Variants in SENP6 observed in about 807,000 individuals in gnomAD.
SENP6 encodes the protein SUMO specific peptidase 6.
Under a neutral mutation model 134.5 loss-of-function variants are expected in SENP6, and 41 were observed. That is an observed-to-expected ratio of 0.30 (90% confidence interval 0.24 to 0.40). The LOEUF (loss-of-function observed/expected upper bound fraction) is 0.40, where lower values mean the gene tolerates loss of function less well. Ranked by LOEUF, SENP6 falls within the 10% of genes least tolerant of loss-of-function variation. The pLI is 1.00. For missense variants in SENP6, 1,248 were observed against 1,312.5 expected, an observed-to-expected ratio of 0.95 and a Z score of 0.76; for synonymous variants, 395 against 429.8, an observed-to-expected ratio of 0.92 and a Z score of 1.00.
At chr6:75,663,197 A>G in intron 8 of SENP6, 24 bp from the exon 9 acceptor site, 1 of 1,598,156 alleles carries the variant, frequency 6.3e-7, no homozygotes, top group Non-Finnish European at 8.5e-7. Context: ...CAAATGCCAA[A>G]GTTGTGGTGT....
At chr6:75,708,268 GC>G (rs1371157207) in intron 19 of SENP6, among the ~76,000 whole-genome samples, 3 of 152,080 alleles carry the variant, frequency 2.0e-5, no homozygotes, top group Non-Finnish European at 1.5e-5. Context: ...CACCATGTTA[GC>G]CAGTCTGGAT....
At chr6:75,703,882 A>G (rs2149900984) in intron 19 of SENP6, among the ~76,000 whole-genome samples, 1 of 152,254 alleles carries the variant, frequency 6.6e-6, no homozygotes, top group East Asian at 1.9e-4. Context: ...TGCAGTACAA[A>G]GTTTATATTT....
intron 11 of SENP6, among the ~76,000 whole-genome samples, chr6:75,674,102 T>C (rs1178420511): frequency 6.6e-6 from 1 of 150,844 alleles, no homozygotes; most frequent in Non-Finnish European, 1.5e-5. Flanking sequence ...CCAAAACATA[T>C]AATGTCAACA....
intron 19 of SENP6, among the ~76,000 whole-genome samples, chr6:75,709,120 T>C (rs1352446902): frequency 6.6e-6 from 1 of 152,196 alleles, no homozygotes; most frequent in African/African-American, 2.4e-5. Context: ...CATTTTCTTT[T>C]ATGTTCTATG....
chr6:75,615,152 A>G (rs763417216), intron 1 of SENP6, among the ~76,000 whole-genome samples: 2 of 152,184 alleles, frequency 1.3e-5, no homozygotes, highest in East Asian at 1.9e-4. Context: ...TGGCCTCCCA[A>G]AGTGCTGGGA....
Position 75,702,828 on chromosome 6 carries a change from T to G in SENP6, c.2472T>G (p.Ile824Met), listed in dbSNP as rs766974367. The change falls in exon 19 of 24, where the codon ATT becomes ATG. Residue 824 changes from isoleucine (I) to methionine (M), a missense_variant. Ile to Met is a conservative substitution (Grantham distance 10). Transcript: ENST00000447266. ...CSQNSSAKPVIKKMLNKKHCI... is the reference protein window; with the variant it reads ...CSQNSSAKPVMKKMLNKKHCI... The stretch of plus-strand genomic sequence containing the variant: ...AAAACTCTTCTGCCAAGCCTGTAAT[T>G]AAGAAGATGCTAAACAAAAAACATT... 2 of 1,614,082 alleles carry G rather than the reference T, an allele frequency of 1.2e-6. No homozygotes were observed. The highest frequency in any genetic ancestry group is 1.7e-6 in the Non-Finnish European group (2 of 1,180,002).
rs1210199986 is a variant in SENP6, at chr6:75,717,007, A to G, written c.*1413A>G. ...ATTGAGACACAGTAGAGTCTCAGTAAGAGAAATATTAAAATGTAAGAAAGG... is the reference window on the plus strand; with the variant it reads ...ATTGAGACACAGTAGAGTCTCAGTAGGAGAAATATTAAAATGTAAGAAAGG... On this transcript the variant is annotated 3_prime_UTR_variant, in exon 24 of 24. Coordinates refer to ENST00000447266, the MANE Select transcript of SENP6 (RefSeq NM_015571.4). 2 of 152,024 alleles carry G rather than the reference A, an allele frequency of 1.3e-5. No homozygotes were observed. The highest frequency in any genetic ancestry group is 2.9e-5 in the Non-Finnish European group (2 of 67,878). 9.4% of individuals were successfully genotyped at this position (152,024 alleles called of 1,614,324 possible).
intron 1 of SENP6, among the ~76,000 whole-genome samples, chr6:75,605,641 A>G (rs1766972460): frequency 6.6e-6 from 1 of 152,208 alleles, no homozygotes; most frequent in African/African-American, 2.4e-5. Flanking sequence ...TTTGATAAAC[A>G]AAAAGGCTGA....
chr6:75,638,620 ATATTTTTTTTTT>A (rs1769776822), intron 5 of SENP6, among the ~76,000 whole-genome samples: 2 of 33,186 alleles, frequency 6.0e-5, no homozygotes, highest in African/African-American at 1.4e-4. Flanking sequence ...ATATATATAT[ATATTTTTTTTTT>A]TTTTTTTTTT....
chr6:75,701,631 A>ATTTTT (rs1254699631), intron 18 of SENP6, among the ~76,000 whole-genome samples: 1 of 99,468 alleles, frequency 1.0e-5, no homozygotes. Flanking sequence ...AGACAGTTTA[A>ATTTTT]TCTTTTTTTT....
intron 2 of SENP6, among the ~76,000 whole-genome samples, chr6:75,621,930 T>G (rs1768306237): frequency 1.3e-5 from 2 of 152,316 alleles, no homozygotes; most frequent in East Asian, 1.9e-4. Flanking sequence ...TAAAAAGGCA[T>G]TCTGTTCAGG....
chr6:75,605,969 T>C, intron 1 of SENP6, among the ~76,000 whole-genome samples: 1 of 152,140 alleles, frequency 6.6e-6, no homozygotes, highest in East Asian at 1.9e-4. Flanking sequence ...TGTTTGGATG[T>C]AGAGCTTACA....
chr6:75,604,436 A>C (rs1450752481), intron 1 of SENP6, among the ~76,000 whole-genome samples: 2 of 152,190 alleles, frequency 1.3e-5, no homozygotes, highest in African/African-American at 2.4e-5. Context: ...ATTGGTGACC[A>C]GCCTGGCCAA....
At chr6:75,613,526 G>C (rs1361630951) in intron 1 of SENP6, among the ~76,000 whole-genome samples, 1 of 152,012 alleles carries the variant, frequency 6.6e-6, no homozygotes, top group Non-Finnish European at 1.5e-5. Context: ...ATACTAAAAT[G>C]TTCATAGTAG....
At chr6:75,638,248 T>G (rs1188134921) in intron 5 of SENP6, among the ~76,000 whole-genome samples, 3 of 151,070 alleles carry the variant, frequency 2.0e-5, no homozygotes, top group Non-Finnish European at 3.0e-5. Flanking sequence ...TTTTGTTTTT[T>G]TTTTTTTTAA....
chr6:75,697,641 C>T lies in SENP6; in HGVS notation c.2288+124C>T, dbSNP rs2842532. 7.3e-3 allele frequency: 4,662 copies of T among 634,714 alleles called. 167 individuals carry two copies. In the African/African-American group the frequency reaches 0.074, roughly 10 times the overall value. The allele number at this position is 634,714 out of a possible 1,614,324, so 39.3% of individuals were successfully genotyped here. A position where few individuals can be genotyped will look rare whatever the true frequency, so the allele number is the denominator to read the frequency against. On this transcript the variant is annotated intron_variant, in intron 18 of 23. Transcript: ENST00000447266. ...CTTTCTGAAATCTCTTGTGTATATT[C>T]ATATTTGTACTGCCTGTTTTACAAG...
At chr6:75,639,345 TTAA>T (rs966814173) in intron 5 of SENP6, among the ~76,000 whole-genome samples, 1 of 152,172 alleles carries the variant, frequency 6.6e-6, no homozygotes, top group Non-Finnish European at 1.5e-5. Flanking sequence ...TTCAGATATA[TTAA>T]TGTACATTTA....
At chr6:75,630,939 G>A (rs376842832) in intron 3 of SENP6, among the ~76,000 whole-genome samples, 10 of 150,980 alleles carry the variant, frequency 6.6e-5, no homozygotes, top group Non-Finnish European at 1.0e-4. Flanking sequence ...TCTCTGTACC[G>A]TATTCTGAAT....
At chr6:75,623,400 G>C (rs1368389811) in intron 2 of SENP6, among the ~76,000 whole-genome samples, 1 of 152,082 alleles carries the variant, frequency 6.6e-6, no homozygotes, top group African/African-American at 2.4e-5. Flanking sequence ...ATGAAGGGTT[G>C]ATATTTTCAA....
Sources: allele counts gnomAD v4.1 joint callset (sites outside exome capture counted in the v4.1 genomes callset), GRCh38; gene constraint gnomAD v4.1.1; transcripts MANE v1.5; gene names NCBI Gene and HGNC (gene_info 2026-07-23, HGNC 2026-07-21).